UNC93B1: variants seen among roughly 807,000 people sequenced by gnomAD.
UNC93B1 encodes protein unc-93 homolog B1.
In UNC93B1, 33 loss-of-function variants were observed where a neutral mutation model predicts 56.8. The ratio of observed to expected loss-of-function variants is 0.58; its 90% CI spans 0.44 to 0.78. The LOEUF (loss-of-function observed/expected upper bound fraction) is 0.78, where lower values mean the gene tolerates loss of function less well. UNC93B1 is among the 30% of genes least tolerant of loss of function. UNC93B1 has a pLI of 0.00. For missense variants in UNC93B1, 673 were observed against 819.5 expected, an observed-to-expected ratio of 0.82 and a Z score of 2.18; for synonymous variants, 334 against 358.6, an observed-to-expected ratio of 0.93 and a Z score of 0.77.
intron 10 of UNC93B1, among the ~76,000 whole-genome samples, chr11:67,992,691 G>A (rs1389159772): frequency 2.3e-5 from 3 of 128,684 alleles, no homozygotes; most frequent in East Asian, 4.5e-4. Context: ...GGAAGACAGA[G>A]TCTCGCTCTG....
In UNC93B1 at chr11:67,998,398, A is replaced by G; in HGVS notation, c.742T>C (p.Tyr248His). 1 of 1,613,998 alleles carries G rather than the reference A, an allele frequency of 6.2e-7. No individual in the cohort carries two copies. The part of the protein sequence containing the change: ...PMIYFLNHYL[Y>H]DLNHTLYNVQ... ...TTGTACAGCGTGTGGTTCAGGTCAT[A>G]CAGGTAGTGGTTCAGGAAATAAATC... is the stretch of plus-strand genomic sequence containing the variant. The change falls in exon 6 of 11, where the codon TAT becomes CAT. Residue 248 changes from tyrosine to histidine, a missense_variant. Transcript: ENST00000227471.
chr11:67,991,564 G>A lies in UNC93B1; in HGVS notation c.1776C>T (p.Asp592=). 5 of 1,477,230 alleles carry A rather than the reference G, an allele frequency of 3.4e-6. No individual in the cohort carries two copies. Among genetic ancestry groups the A allele is most frequent in the East Asian group, 5.5e-5 (2 of 36,194 alleles). 91.5% of individuals were successfully genotyped at this position (1,477,230 alleles called of 1,614,324 possible). ...PCPYEQAQGG[D]GPEEQ ...CGGCCCCTCACTGCTCCTCCGGCCC[G>A]TCTCCCCCCTGCGCCTGTTCGTACG... The change falls in exon 11 of 11, where the codon GAC becomes GAT. Residue 592 remains aspartate, a synonymous_variant. Coordinates refer to ENST00000227471, the MANE Select transcript of UNC93B1 (RefSeq NM_030930.4).
At chr11:68,002,796 G>A (rs764954473) in intron 3 of UNC93B1, among the ~76,000 whole-genome samples, 1 of 152,182 alleles carries the variant, frequency 6.6e-6, no homozygotes, top group African/African-American at 2.4e-5. Flanking sequence ...CAGCCCGTGT[G>A]AATCTGTTGC....
At chr11:67,997,422 T>C in intron 7 of UNC93B1, 1 of 571,800 alleles carries the variant, frequency 1.7e-6, no homozygotes, top group Non-Finnish European at 3.1e-6. Context: ...GCCTGTTCCC[T>C]CCTTCCCCTG....
In UNC93B1 at chr11:67,995,640, C is replaced by T. The variant is rs1260230439; in HGVS notation, c.1334G>A (p.Gly445Asp). The change falls in exon 9 of 11, where the codon GGC becomes GAC. Residue 445 changes from glycine (G) to aspartate (D), a missense_variant. Physicochemically the swap from Gly to Asp is moderately conservative, Grantham distance 94. Transcript: ENST00000227471. ...LYVAAALWGV[G>D]SALNKTGLST... ...GAGTCCAGTCTTGTTCAGGGCACTG[C>T]CCACACCCCAAAGGGCAGCTGCCAC... 5.4e-6 allele frequency: 8 copies of T among 1,470,860 alleles called. No homozygotes were observed. Among genetic ancestry groups the T allele is most frequent in the Non-Finnish European group, 7.3e-6 (8 of 1,100,724 alleles). The allele number at this position is 1,470,860 out of a possible 1,614,324, so 91.1% of individuals were successfully genotyped here. A position where few individuals can be genotyped will look rare whatever the true frequency, so the allele number is the denominator to read the frequency against.
At chr11:67,992,797 T>A (rs1045362177) in intron 10 of UNC93B1, among the ~76,000 whole-genome samples, 15 of 151,804 alleles carry the variant, frequency 9.9e-5, no homozygotes, top group Non-Finnish European at 1.9e-4. Context: ...CCAGAGTAGC[T>A]GGGATCACAG....
intron 10 of UNC93B1, among the ~76,000 whole-genome samples, chr11:67,993,410 A>T (rs1032772349): frequency 1.3e-5 from 2 of 152,260 alleles, no homozygotes; most frequent in African/African-American, 4.8e-5. Flanking sequence ...CAGACCCAAC[A>T]TCTGGAGAAC....
At chr11:67,996,082 GA>G (rs111778700) in intron 8 of UNC93B1, 198 bp from the exon 9 acceptor site, 16 of 376,838 alleles carry the variant, frequency 4.2e-5, no homozygotes, top group South Asian at 2.9e-4. Flanking sequence ...GAGTCGGGGG[GA>G]AAAGAGGGGT....
chr11:67,996,436 AG>A (rs971967984), intron 8 of UNC93B1, among the ~76,000 whole-genome samples, 165 bp downstream of exon 8: 2 of 152,128 alleles, frequency 1.3e-5, no homozygotes, highest in African/African-American at 4.8e-5. Flanking sequence ...CCCAAGGTAA[AG>A]GGGGGACGGG....
At chr11:67,999,726 A>G (rs755619151) in intron 3 of UNC93B1, 46 bp from the exon 4 acceptor site, 19 of 1,590,504 alleles carry the variant, frequency 1.2e-5, no homozygotes, top group Non-Finnish European at 1.5e-5. Flanking sequence ...CTGCTGGACC[A>G]CTGTGGCCTG....
intron 3 of UNC93B1, among the ~76,000 whole-genome samples, chr11:68,001,394 G>A (rs1407388276): frequency 2.0e-5 from 3 of 152,080 alleles, no homozygotes; most frequent in Non-Finnish European, 4.4e-5. Flanking sequence ...TGCTGGATGT[G>A]GTGGCTCACA....
At chr11:67,992,416 T>G (rs866233598) in intron 10 of UNC93B1, among the ~76,000 whole-genome samples, 89 of 151,438 alleles carry the variant, frequency 5.9e-4, no homozygotes, top group African/African-American at 2.0e-3. Flanking sequence ...CACGCTCACT[T>G]CAGCCTCAAT....
chr11:68,003,897 A>T lies in UNC93B1; in HGVS notation c.96+51T>A, dbSNP rs1401645001. 7.8e-7 allele frequency: 1 copy of T among 1,285,790 alleles called. No individual in the cohort carries two copies. The highest frequency in any genetic ancestry group is 9.8e-7 in the Non-Finnish European group (1 of 1,020,296). 79.6% of individuals were successfully genotyped at this position (1,285,790 alleles called of 1,614,324 possible). A position where few individuals can be genotyped will look rare whatever the true frequency, so the allele number is the denominator to read the frequency against. ...GGCCCGCCCCGCCCCCGCCGGGGGG[A>T]CCCTGGCCCACAGGGGACGCCCGCG... On this transcript the variant is annotated intron_variant, in intron 1 of 10. Transcript: ENST00000227471. This position sits in a 1 kb window ranked among gnomAD's most constrained non-coding sequence, Gnocchi z 4.4.
Position 67,999,692 on chromosome 11 carries a change from G to A in UNC93B1, c.393-12C>T, listed in dbSNP as rs1419486195. 1 of 1,608,776 alleles carries A rather than the reference G, an allele frequency of 6.2e-7. No homozygotes were observed. Among genetic ancestry groups the A allele is most frequent in the Non-Finnish European group, 8.5e-7 (1 of 1,177,992 alleles). On this transcript the variant is annotated splice_polypyrimidine_tract_variant and intron_variant, in intron 3 of 10. Coordinates refer to ENST00000227471, the MANE Select transcript of UNC93B1 (RefSeq NM_030930.4). Reference sequence around the variant, plus strand: ...TCGTTCCAAAAAACCTGCGGACAGTGGGAGAGATGCTGGCACCACAGGCCT... The same window carrying A: ...TCGTTCCAAAAAACCTGCGGACAGTAGGAGAGATGCTGGCACCACAGGCCT...
At chr11:67,998,226 GCCC>G in intron 6 of UNC93B1, 130 bp downstream of exon 6, 1 of 1,015,014 alleles carries the variant, frequency 9.9e-7, no homozygotes, top group Non-Finnish European at 1.5e-6. Context: ...CTCCTACAGG[GCCC>G]TGTGTCTTGC....
rs1415751783 is a variant in UNC93B1, at chr11:68,003,213, C to A, written c.239-38G>T. ...CAGAGAGCGGCGTGCAGGGAGCAGC[C>A]TAGCTTTGGGCGCCACCGAGCAGAA... On this transcript the variant is annotated intron_variant, in intron 2 of 10. Coordinates refer to ENST00000227471, the MANE Select transcript of UNC93B1 (RefSeq NM_030930.4). This position sits in a 1 kb window ranked among gnomAD's most constrained non-coding sequence, Gnocchi z 4.4. 2.5e-6 allele frequency: 4 copies of A among 1,576,294 alleles called. No homozygotes were observed. The African/African-American group carries it at 5.5e-5, about 22-fold the overall frequency.
rs568688811 is a variant in UNC93B1, at chr11:68,003,610, G to C, written c.238+47C>G. 1.7e-5 allele frequency: 25 copies of C among 1,488,272 alleles called. 1 individual carries two copies. In the South Asian group the frequency reaches 2.8e-4, roughly 16 times the overall value. The allele number at this position is 1,488,272 out of a possible 1,614,324, so 92.2% of individuals were successfully genotyped here. ...GCCCGCGGTTTCTGTTTCCCGGGCCGGGCTGGGAGCGGGCGGGGCGGCCCC... is the reference window on the plus strand; with the variant it reads ...GCCCGCGGTTTCTGTTTCCCGGGCCCGGCTGGGAGCGGGCGGGGCGGCCCC... On this transcript the variant is annotated intron_variant, in intron 2 of 10. Transcript: ENST00000227471. This position sits in a 1 kb window ranked among gnomAD's most constrained non-coding sequence, Gnocchi z 4.4.
rs1265371495 is a variant in UNC93B1, at chr11:67,997,706, A to G, written c.875T>C (p.Leu292Pro). 2 of 1,607,766 alleles carry G rather than the reference A, an allele frequency of 1.2e-6. No homozygotes were observed. The highest frequency in any genetic ancestry group is 1.7e-6 in the Non-Finnish European group (2 of 1,179,856). ...CATGGCCAGGAAGGCCACTGCCATG[A>G]GCACGCTCTCCACCACAATGAGGTT... ...SGNLIVVESV[L>P]MAVAFLAMLL... The change falls in exon 7 of 11, where the codon CTC (leucine) becomes CCC (proline). Residue 292 changes from leucine (L) to proline (P), a missense_variant. This residue lies in a region of UNC93B1 where 438 missense variants were observed against 465.9 expected (regional missense o/e 0.94). Transcript: ENST00000227471.
chr11:67,999,561 G>C lies in UNC93B1; in HGVS notation c.512C>G (p.Ala171Gly). The C allele has an allele frequency of 1.3e-6, 2 of 1,575,838 alleles. No homozygotes were observed. Among genetic ancestry groups the C allele is most frequent in the Non-Finnish European group, 8.6e-7 (1 of 1,161,764 alleles). ...CATGGAAGCCCAAAGAGGCACGATG[G>C]CCATGCCCAGGGCCACAGCCGAGGG... ...LVPSAVALGM[A>G]IVPLWASMGN... Residue 171 changes from alanine (A) to glycine (G), a missense_variant, in exon 4 of 11, where the codon GCC becomes GGC. Around this residue, in one of 3 missense-constraint regions of UNC93B1, gnomAD observed 438 missense variants for 465.9 expected, o/e 0.94. Transcript: ENST00000227471.
Sources: gnomAD v4.1 joint callset for allele counts (sites outside exome capture counted in the v4.1 genomes callset) on GRCh38, gnomAD v4.1.1 for gene constraint, gnomAD v4.1.1 regional missense constraint, Gnocchi (gnomAD v3.1) non-coding constraint, MANE v1.5 for transcripts, NCBI Gene and HGNC (gene_info 2026-07-23, HGNC 2026-07-21) for gene names.